The following ASAP2 variants were observed in gnomAD, a reference collection of about 807,000 sequenced individuals.
ASAP2 encodes arf-GAP with SH3 domain, ANK repeat and PH domain-containing protein 2.
In ASAP2, 45 loss-of-function variants were observed where a neutral mutation model predicts 131.4. The observed-to-expected ratio is 0.34, with a 90% confidence interval of 0.27 to 0.44. ASAP2 has a LOEUF of 0.44. Among genes scored for constraint, ASAP2 ranks in the 20% least tolerant of loss-of-function variants. ASAP2 has a pLI of 1.00. For synonymous variants in ASAP2, 510 were observed against 503.0 expected, an observed-to-expected ratio of 1.01 and a Z score of -0.19; for missense variants, 1,011 against 1,297.0, an observed-to-expected ratio of 0.78 and a Z score of 3.39.
intron 2 of ASAP2, 133 bp from the exon 3 acceptor site, chr2:9,297,167 C>A: frequency 8.9e-7 from 1 of 1,121,814 alleles, no homozygotes. Context: ...TATTTCTGTT[C>A]CTGGTGCAGC....
At chr2:9,356,467 G>C in intron 14 of ASAP2, 122 bp downstream of exon 14, 1 of 1,167,344 alleles carries the variant, frequency 8.6e-7, no homozygotes, top group African/African-American at 1.6e-5. Context: ...AGCTCAGCCT[G>C]AGTTCATCCC....
intron 21 of ASAP2, among the ~76,000 whole-genome samples, chr2:9,387,423 A>G (rs1675368128): frequency 6.6e-6 from 1 of 152,200 alleles, no homozygotes; most frequent in South Asian, 2.1e-4. Context: ...CTTTACTGAC[A>G]AAAAACAGGT....
rs1194879105 is a variant in ASAP2, at chr2:9,343,152, A to G, written c.850-1380A>G. Among the ~76,000 whole-genome samples the G allele has an allele frequency of 2.0e-5, 3 of 152,210 alleles. No homozygotes were observed. The East Asian group carries it at 5.8e-4, about 29-fold the overall frequency. ...GATGGTGTAATGGAAGGAGCCTCAG[A>G]GTGGAAGGCAGGATTCCATTCCACT... On this transcript the variant is annotated intron_variant, in intron 9 of 27. Coordinates refer to ENST00000281419, the MANE Select transcript of ASAP2 (RefSeq NM_003887.3).
chr2:9,340,243 G>A (rs929806126), intron 9 of ASAP2, among the ~76,000 whole-genome samples: 11 of 152,120 alleles, frequency 7.2e-5, no homozygotes, highest in Non-Finnish European at 1.2e-4. Context: ...GGCTGGTCTC[G>A]AGCTCCTGAC....
chr2:9,278,442 G>C (rs376020880), intron 1 of ASAP2, among the ~76,000 whole-genome samples: 1 of 151,670 alleles, frequency 6.6e-6, no homozygotes, highest in Non-Finnish European at 1.5e-5. Flanking sequence ...GAACCCAGGA[G>C]GCAGAGGCTG....
chr2:9,392,228 T>C lies in ASAP2; in HGVS notation c.2518+1032T>C, dbSNP rs1275211582. Among the ~76,000 whole-genome samples the C allele has an allele frequency of 1.3e-5, 2 of 152,300 alleles. No homozygotes were observed. Among genetic ancestry groups the C allele is most frequent in the East Asian group, 3.9e-4 (2 of 5,180 alleles). ...TTGGGTAAAGAAGCGGGAGGAGGTT[T>C]TTAGGAAGAAGTTTTTCTCCAGTGT... On this transcript the variant is annotated intron_variant, in intron 23 of 27. Transcript: ENST00000281419. This position sits in a 1 kb window ranked among gnomAD's most constrained non-coding sequence, Gnocchi z 4.0.
chr2:9,275,550 G>A (rs1673464743), intron 1 of ASAP2, among the ~76,000 whole-genome samples: 1 of 152,272 alleles, frequency 6.6e-6, no homozygotes, highest in East Asian at 1.9e-4. Context: ...AATGGCTTTT[G>A]AACCATGGGT....
At chr2:9,237,688 G>A (rs1443561667) in intron 1 of ASAP2, among the ~76,000 whole-genome samples, 1 of 152,080 alleles carries the variant, frequency 6.6e-6, no homozygotes, top group African/African-American at 2.4e-5. Context: ...TCAAAGTGCT[G>A]GGATTACAGG....
intron 15 of ASAP2, 50 bp downstream of exon 15, chr2:9,358,939 T>C (rs376268191): frequency 2.6e-6 from 4 of 1,560,964 alleles, no homozygotes; most frequent in Non-Finnish European, 3.5e-6. Flanking sequence ...AGCTGTAAGC[T>C]AAATTTTACT....
At chr2:9,391,576 CT>C (rs397869342) in intron 23 of ASAP2, among the ~76,000 whole-genome samples, 10,369 of 134,972 alleles carry the variant, frequency 0.077, 699 homozygotes, top group African/African-American at 0.22. Context: ...TTTTCTTTTT[CT>C]TTTTTTTTTT....
At position 9,366,577 on chromosome 2, in the gene ASAP2, CTG is replaced by C. The variant is rs1437980396; in HGVS notation, c.1462-1846_1462-1845del. Among the ~76,000 whole-genome samples the C allele has an allele frequency of 3.9e-5, 6 of 152,196 alleles. No individual in the cohort carries two copies. The East Asian group carries it at 1.2e-3, about 29-fold the overall frequency. On this transcript the variant is annotated intron_variant, in intron 15 of 27. Transcript: ENST00000281419. ...CATTAGCTTCCTGGTGCATAGGTACCTGTCACCTTAAGTGGTGTGCCACCTGA... is the reference window on the plus strand; with the variant it reads ...CATTAGCTTCCTGGTGCATAGGTACCTCACCTTAAGTGGTGTGCCACCTGA...
chr2:9,301,650 C>G (rs1475183511), intron 3 of ASAP2, among the ~76,000 whole-genome samples: 2 of 152,098 alleles, frequency 1.3e-5, no homozygotes, highest in African/African-American at 4.8e-5. Flanking sequence ...GTCTGCAGAA[C>G]CCGCTCCACA....
Position 9,356,114 on chromosome 2 carries a change from G to T in ASAP2, c.1160+19G>T, listed in dbSNP as rs114862022. On this transcript the variant is annotated intron_variant, in intron 13 of 27. Coordinates refer to ENST00000281419, the MANE Select transcript of ASAP2 (RefSeq NM_003887.3). ...GTCAAATGTAAGTTACATGGTGGTGGGACTTTGGGCTGGACTCAGCCGTTG... is the reference window on the plus strand; with the variant it reads ...GTCAAATGTAAGTTACATGGTGGTGTGACTTTGGGCTGGACTCAGCCGTTG... 9 of 1,614,068 alleles carry T rather than the reference G, an allele frequency of 5.6e-6. No homozygotes were observed. In the African/African-American group the frequency reaches 1.2e-4, roughly 22 times the overall value.
Position 9,393,539 on chromosome 2 carries a change from C to T in ASAP2, c.2576C>T (p.Ala859Val). The stretch of plus-strand genomic sequence containing the variant: ...GCCAAGACGCCCAGCGTAATGGAAG[C>T]CTTGAGCCAGCCGAGCAAGCCTGCC... ...PVAKTPSVME[A>V]LSQPSKPAPP... Residue 859 changes from alanine (A) to valine (V), a missense_variant, in exon 24 of 28, where the codon GCC (alanine) becomes GTC (valine). Ala to Val is a moderately conservative substitution (Grantham distance 64, BLOSUM62 0). Around this residue, in one of 2 missense-constraint regions of ASAP2, gnomAD observed 652 missense variants for 698.9 expected, o/e 0.93. Coordinates refer to ENST00000281419, the MANE Select transcript of ASAP2 (RefSeq NM_003887.3). 6.2e-7 allele frequency: 1 copy of T among 1,600,160 alleles called. No individual in the cohort carries two copies. The highest frequency in any genetic ancestry group is 8.5e-7 in the Non-Finnish European group (1 of 1,174,544).
intron 13 of ASAP2, 27 bp downstream of exon 13, chr2:9,356,122 G>A (rs113896055): frequency 6.2e-7 from 1 of 1,614,162 alleles, no homozygotes; most frequent in Middle Eastern, 1.6e-4. Context: ...TGGGACTTTG[G>A]GCTGGACTCA....
intron 5 of ASAP2, 102 bp from the exon 6 acceptor site, chr2:9,323,019 G>A: frequency 7.1e-7 from 1 of 1,407,122 alleles, no homozygotes; most frequent in South Asian, 1.3e-5. Context: ...AACGTGTGGT[G>A]AGCGTTGGTC....
At chr2:9,224,069 A>G (rs1180277754) in intron 1 of ASAP2, among the ~76,000 whole-genome samples, 1 of 152,210 alleles carries the variant, frequency 6.6e-6, no homozygotes, top group Non-Finnish European at 1.5e-5. Context: ...CAATTCCTTC[A>G]TTTAATGTTG....
chr2:9,305,242 G>GTA (rs1413872370), intron 3 of ASAP2, among the ~76,000 whole-genome samples: 1 of 151,614 alleles, frequency 6.6e-6, no homozygotes, highest in African/African-American at 2.4e-5. Flanking sequence ...CAGTAGTGGG[G>GTA]TATACATATT....
chr2:9,354,407 G>T (rs978583620), intron 12 of ASAP2, among the ~76,000 whole-genome samples: 4 of 152,230 alleles, frequency 2.6e-5, no homozygotes, highest in Non-Finnish European at 5.9e-5. Flanking sequence ...AGAGAGTGTA[G>T]TGGAGGGGAT....
Sources: gnomAD v4.1 joint callset for allele counts (sites outside exome capture counted in the v4.1 genomes callset) on GRCh38, gnomAD v4.1.1 for gene constraint, gnomAD v4.1.1 regional missense constraint, Gnocchi (gnomAD v3.1) non-coding constraint, MANE v1.5 for transcripts, NCBI Gene and HGNC (gene_info 2026-07-23, HGNC 2026-07-21) for gene names.